The following LSG1 variants were observed in gnomAD, a reference collection of about 807,000 sequenced individuals.
LSG1 encodes the protein large 60S subunit nuclear export GTPase 1.
LSG1 carries 55 observed loss-of-function variants against 82.6 expected under a neutral mutation model. That is an observed-to-expected ratio of 0.67 (90% CI 0.54 to 0.83). The LOEUF (loss-of-function observed/expected upper bound fraction) is 0.83, where lower values mean the gene tolerates loss of function less well. Ranked by LOEUF, LSG1 falls within the 40% of genes least tolerant of loss-of-function variation. The probability of loss-of-function intolerance (pLI) is 0.00; values close to 1 mark genes in which losing one functional copy is unlikely to be tolerated. For missense variants in LSG1, 809 were observed against 807.9 expected, an observed-to-expected ratio of 1.00 and a Z score of -0.02; for synonymous variants, 272 against 282.5, an observed-to-expected ratio of 0.96 and a Z score of 0.37.
intron 1 of LSG1, among the ~76,000 whole-genome samples, chr3:194,671,599 G>T (rs1428550604): frequency 2.0e-5 from 3 of 152,110 alleles, no homozygotes; most frequent in East Asian, 1.9e-4. Flanking sequence ...AAAAATCAAT[G>T]ATTTATCTTT....
intron 2 of LSG1, among the ~76,000 whole-genome samples, chr3:194,668,128 CT>C (rs1278504583): frequency 6.6e-6 from 1 of 151,834 alleles, no homozygotes; most frequent in African/African-American, 2.4e-5. Flanking sequence ...TTAGCAGTCA[CT>C]GTACACCCCC....
chr3:194,650,662 T>C, intron 10 of LSG1: 1 of 428,908 alleles, frequency 2.3e-6, no homozygotes, highest in East Asian at 4.1e-5. Context: ...GAACTGAGTA[T>C]CTGAAACCTG....
At chr3:194,654,697 G>A (rs1718758016) in intron 7 of LSG1, among the ~76,000 whole-genome samples, 1 of 152,150 alleles carries the variant, frequency 6.6e-6, no homozygotes, top group South Asian at 2.1e-4. Context: ...TGAATGTGTA[G>A]TAGAAAAACT....
chr3:194,649,011 T>A (rs1176409269), intron 10 of LSG1: 4 of 471,214 alleles, frequency 8.5e-6, no homozygotes, highest in Non-Finnish European at 1.5e-5. Context: ...GACTTTTCCA[T>A]ATGAATTCAT....
At chr3:194,654,712 C>T (rs1030955900) in intron 7 of LSG1, among the ~76,000 whole-genome samples, 4 of 151,966 alleles carry the variant, frequency 2.6e-5, no homozygotes, top group Non-Finnish European at 4.4e-5. Context: ...AAAACTACAG[C>T]GGGGAGCAGT....
At chr3:194,669,272 T>C (rs1719092835) in intron 2 of LSG1, among the ~76,000 whole-genome samples, 1 of 152,222 alleles carries the variant, frequency 6.6e-6, no homozygotes, top group African/African-American at 2.4e-5. Flanking sequence ...CATTTCACAA[T>C]ATATACATAT....
At position 194,641,953 on chromosome 3, in the gene LSG1, A is replaced by C; in HGVS notation, c.*115T>G. The C allele has an allele frequency of 8.8e-7, 1 of 1,142,732 alleles. No individual in the cohort carries two copies. The highest frequency in any genetic ancestry group is 1.3e-6 in the Non-Finnish European group (1 of 799,972). 70.8% of individuals were successfully genotyped at this position (1,142,732 alleles called of 1,614,324 possible). A position where few individuals can be genotyped will look rare whatever the true frequency, so the allele number is the denominator to read the frequency against. The stretch of plus-strand genomic sequence containing the variant: ...ACTGTTGGGTGCAGCCGTGCTCTGC[A>C]AGAGCAGGGCCCGTTCTACAGTGCT... On this transcript the variant is annotated 3_prime_UTR_variant, in exon 14 of 14. Transcript: ENST00000265245.
chr3:194,653,900 C>G (rs960879983), intron 7 of LSG1, among the ~76,000 whole-genome samples: 1 of 152,132 alleles, frequency 6.6e-6, no homozygotes, highest in African/African-American at 2.4e-5. Context: ...ACCACCACAA[C>G]AACAACAACA....
At chr3:194,670,344 C>T (rs1433546489) in intron 1 of LSG1, among the ~76,000 whole-genome samples, 1 of 152,134 alleles carries the variant, frequency 6.6e-6, no homozygotes, top group Non-Finnish European at 1.5e-5. Context: ...TTTTCAAAAT[C>T]TTTTGAGGTG....
intron 12 of LSG1, 24 bp from the exon 13 acceptor site, chr3:194,644,770 A>G (rs1244275056): frequency 6.3e-7 from 1 of 1,589,124 alleles, no homozygotes; most frequent in Admixed American, 1.7e-5. Context: ...ATGAATGACA[A>G]CAGTGCAGCC....
chr3:194,668,250 T>C (rs1719073398), intron 2 of LSG1, among the ~76,000 whole-genome samples: 1 of 152,152 alleles, frequency 6.6e-6, no homozygotes, highest in South Asian at 2.1e-4. Flanking sequence ...CACATGCACA[T>C]ATTTTTGTGT....
intron 1 of LSG1, 124 bp downstream of exon 1, chr3:194,671,940 C>T: frequency 1.2e-6 from 1 of 845,594 alleles, no homozygotes; most frequent in Non-Finnish European, 1.9e-6. Flanking sequence ...GCAGAAACTC[C>T]AACTCATCCT....
chr3:194,657,199 C>T (rs1418499320), intron 7 of LSG1, among the ~76,000 whole-genome samples: 2 of 131,818 alleles, frequency 1.5e-5, no homozygotes, highest in South Asian at 2.4e-4. Context: ...AAAAAAAAAA[C>T]GCTTGGCATA....
In LSG1 at chr3:194,641,004, G is replaced by A. The variant is rs1319502509; in HGVS notation, c.*1064C>T. 2 of 152,236 alleles carry A rather than the reference G, an allele frequency of 1.3e-5. No homozygotes were observed. The highest frequency in any genetic ancestry group is 2.4e-5 in the African/African-American group (1 of 41,434). 9.4% of individuals were successfully genotyped at this position (152,236 alleles called of 1,614,324 possible). A position where few individuals can be genotyped will look rare whatever the true frequency, so the allele number is the denominator to read the frequency against. ...CAGATGTGATGAGGACTCAATATCA[G>A]GAGAACAGCACTGAGCGGGTGGTGC... On this transcript the variant is annotated 3_prime_UTR_variant, in exon 14 of 14. Coordinates refer to ENST00000265245, the MANE Select transcript of LSG1 (RefSeq NM_018385.3).
rs990357893 is a variant in LSG1, at chr3:194,641,211, G to A, written c.*857C>T. On this transcript the variant is annotated 3_prime_UTR_variant, in exon 14 of 14. Transcript: ENST00000265245. ...TTTACATACCATACAATTCACCAACGTAAAGTGTGTAATTCAATGGTCTTA... is the reference window on the plus strand; with the variant it reads ...TTTACATACCATACAATTCACCAACATAAAGTGTGTAATTCAATGGTCTTA... 2.0e-5 allele frequency: 3 copies of A among 152,142 alleles called. No individual in the cohort carries two copies. Among genetic ancestry groups the A allele is most frequent in the South Asian group, 2.1e-4 (1 of 4,834 alleles). 9.4% of individuals were successfully genotyped at this position (152,142 alleles called of 1,614,324 possible).
chr3:194,663,824 T>C (rs900259501), intron 5 of LSG1, among the ~76,000 whole-genome samples: 16 of 151,766 alleles, frequency 1.1e-4, no homozygotes, highest in African/African-American at 3.4e-4. Context: ...TCTTCTGCCT[T>C]AGAGATTTGC....
chr3:194,666,246 CTTG>C lies in LSG1; in HGVS notation c.388_390del (p.Gln130del), dbSNP rs1241931359. 1 of 1,614,080 alleles carries C rather than the reference CTTG, an allele frequency of 6.2e-7. No individual in the cohort carries two copies. The highest frequency in any genetic ancestry group is 1.1e-5 in the South Asian group (1 of 91,084). ...CATTCTAGAAAGTTATCTTTCTCTG[CTTG>C]TTTGAGTTCTTCTGGGGTAGTATTT... is the stretch of plus-strand genomic sequence containing the variant. On this transcript the variant is annotated inframe_deletion, in exon 4 of 14. Coordinates refer to ENST00000265245, the MANE Select transcript of LSG1 (RefSeq NM_018385.3).
At chr3:194,645,497 C>T (rs1015155049) in intron 12 of LSG1, 1 of 42,308 alleles carries the variant, frequency 2.4e-5, no homozygotes, top group Non-Finnish European at 5.2e-5. Flanking sequence ...CTTAGTGCTA[C>T]ACACACACAC....
rs1448973853 is a variant in LSG1 at position 194,641,450 on chromosome 3, C to T, written c.*618G>A. 6.6e-6 allele frequency: 1 copy of T among 152,224 alleles called. No individual in the cohort carries two copies. The highest frequency in any genetic ancestry group is 1.5e-5 in the Non-Finnish European group (1 of 68,058). 9.4% of individuals were successfully genotyped at this position (152,224 alleles called of 1,614,324 possible). A position where few individuals can be genotyped will look rare whatever the true frequency, so the allele number is the denominator to read the frequency against. On this transcript the variant is annotated 3_prime_UTR_variant, in exon 14 of 14. Transcript: ENST00000265245. ...GTAGTAAATACCGCAGCTTCCCTGT[C>T]ACCCGGTGGTTACATTCTACATGTT...
Sources: gnomAD v4.1 joint callset for allele counts (sites outside exome capture counted in the v4.1 genomes callset) on GRCh38, gnomAD v4.1.1 for gene constraint, MANE v1.5 for transcripts, NCBI Gene and HGNC (gene_info 2026-07-23, HGNC 2026-07-21) for gene names.